MRGBP: variants seen among roughly 807,000 people sequenced by gnomAD.
MRGBP encodes MRG/MORF4L-binding protein.
A neutral mutation model predicts 21.5 loss-of-function variants in MRGBP; 5 were observed. The ratio of observed to expected loss-of-function variants is 0.23; its 90% CI spans 0.12 to 0.49. The LOEUF (loss-of-function observed/expected upper bound fraction) is 0.49. Ranked by LOEUF, MRGBP falls within the 20% of genes least tolerant of loss-of-function variation. The pLI is 0.98. For synonymous variants in MRGBP, 118 were observed against 104.4 expected (o/e 1.13, Z -0.79); for missense variants, 227 against 277.4 (o/e 0.82, Z 1.29).
At chr20:62,798,495 T>C (rs928061293) in intron 2 of MRGBP, 92 bp from the exon 3 acceptor site, 5 of 1,036,386 alleles carry the variant, frequency 4.8e-6, no homozygotes, top group South Asian at 3.8e-5. Context: ...CTCATTGGCC[T>C]CTCCCCAAGT....
Position 62,799,753 on chromosome 20 carries a change from C to G in MRGBP, c.*110C>G. 1 of 1,212,522 alleles carries G rather than the reference C, an allele frequency of 8.2e-7. No homozygotes were observed. The highest frequency in any genetic ancestry group is 1.1e-6 in the Non-Finnish European group (1 of 883,300). 75.1% of individuals were successfully genotyped at this position (1,212,522 alleles called of 1,614,324 possible). On this transcript the variant is annotated 3_prime_UTR_variant, in exon 5 of 5. Coordinates refer to ENST00000370487, the MANE Select transcript of MRGBP (RefSeq NM_018270.6). ...GGCCACAGTGATACCATCCCAGTGC[C>G]ATGAGCCCACACTGCCCGCCCTCAG...
intron 2 of MRGBP, among the ~76,000 whole-genome samples, chr20:62,797,826 A>G (rs1990368895): frequency 6.6e-6 from 1 of 152,204 alleles, no homozygotes; most frequent in Non-Finnish European, 1.5e-5. Context: ...CAGGGTGGCC[A>G]GAAGAGACAG....
Position 62,799,332 on chromosome 20 carries a change from C to G in MRGBP, c.428-124C>G, listed in dbSNP as rs1400263305. 6 of 1,137,848 alleles carry G rather than the reference C, an allele frequency of 5.3e-6. No homozygotes were observed. The East Asian group carries it at 1.5e-4, about 29-fold the overall frequency. The allele number at this position is 1,137,848 out of a possible 1,614,324, so 70.5% of individuals were successfully genotyped here. A position where few individuals can be genotyped will look rare whatever the true frequency, so the allele number is the denominator to read the frequency against. On this transcript the variant is annotated intron_variant, in intron 4 of 4. Transcript: ENST00000370487. Reference sequence around the variant, plus strand: ...GGGCCCAAATGCAAGGGGCTCCCAGCTCAGGAGGAAGCTTTGGGTTCAGAG... The same window carrying G: ...GGGCCCAAATGCAAGGGGCTCCCAGGTCAGGAGGAAGCTTTGGGTTCAGAG...
intron 4 of MRGBP, 42 bp from the exon 5 acceptor site, chr20:62,799,414 C>T: frequency 6.3e-7 from 1 of 1,582,058 alleles, no homozygotes; most frequent in Middle Eastern, 1.7e-4. Flanking sequence ...AAATAAGATT[C>T]TGGATATTCT....
Position 62,799,515 on chromosome 20 carries a change from A to G in MRGBP, c.487A>G (p.Lys163Glu), listed in dbSNP as rs772837524. The change falls in exon 5 of 5, where the codon AAG becomes GAG. Residue 163 changes from lysine (K) to glutamate (E), a missense_variant. Physicochemically the swap from Lys to Glu is moderately conservative, Grantham distance 56. Transcript: ENST00000370487. ...ASEKSSKDKE[K>E]NSSDLGCKEG... Reference sequence around the variant, plus strand: ...AGAAAAATCCAGCAAAGACAAAGAGAAGAACTCCTCAGACTTGGGGTGCAA... The same window carrying G: ...AGAAAAATCCAGCAAAGACAAAGAGGAGAACTCCTCAGACTTGGGGTGCAA... 2 of 1,613,828 alleles carry G rather than the reference A, an allele frequency of 1.2e-6. No individual in the cohort carries two copies. The highest frequency in any genetic ancestry group is 2.7e-5 in the African/African-American group (2 of 74,944).
chr20:62,799,241 G>T (rs1241145413), intron 4 of MRGBP, among the ~76,000 whole-genome samples, 192 bp downstream of exon 4: 1 of 152,110 alleles, frequency 6.6e-6, no homozygotes, highest in East Asian at 1.9e-4. Flanking sequence ...TGTAGGCCAG[G>T]GTCTGAGCGG....
At chr20:62,797,259 C>T in intron 2 of MRGBP, 28 bp downstream of exon 2, 1 of 1,529,344 alleles carries the variant, frequency 6.5e-7, no homozygotes, top group Non-Finnish European at 8.8e-7. Context: ...CCCTGTGCCG[C>T]CCGATGGGGG....
At chr20:62,798,124 C>G (rs1990375593) in intron 2 of MRGBP, among the ~76,000 whole-genome samples, 2 of 152,238 alleles carry the variant, frequency 1.3e-5, no homozygotes, top group Admixed American at 1.3e-4. Flanking sequence ...AACCGACACC[C>G]TCGGTGTCCA....
chr20:62,796,976 A>T (rs1990351017), intron 1 of MRGBP, 134 bp from the exon 2 acceptor site: 1 of 147,092 alleles, frequency 6.8e-6, no homozygotes, highest in Non-Finnish European at 1.2e-5. Flanking sequence ...GCCCCCCCAC[A>T]GCCCCTCCAC....
intron 3 of MRGBP, 34 bp from the exon 4 acceptor site, chr20:62,798,941 G>A (rs1341148833): frequency 1.9e-6 from 3 of 1,612,922 alleles, no homozygotes; most frequent in Non-Finnish European, 2.5e-6. Flanking sequence ...CACCACCGTG[G>A]GTTTTCGGTG....
chr20:62,797,855 G>C (rs1038226912), intron 2 of MRGBP, among the ~76,000 whole-genome samples: 1 of 152,196 alleles, frequency 6.6e-6, no homozygotes, highest in Admixed American at 6.5e-5. Context: ...TCCAGGCCCT[G>C]TGGCAGCAGG....
rs1023053410 is a variant in MRGBP, at chr20:62,800,245, C to A, written c.*602C>A. On this transcript the variant is annotated 3_prime_UTR_variant, in exon 5 of 5. Coordinates refer to ENST00000370487, the MANE Select transcript of MRGBP (RefSeq NM_018270.6). ...TAAGAACTGGATATTTTGCCTCATT[C>A]ACTTGTACTGTAACAATGTATATAA... 11 of 152,606 alleles carry A rather than the reference C, an allele frequency of 7.2e-5. No individual in the cohort carries two copies. 9.5% of individuals were successfully genotyped at this position (152,606 alleles called of 1,614,324 possible).
chr20:62,797,258 G>T, intron 2 of MRGBP, 27 bp downstream of exon 2: 1 of 1,528,030 alleles, frequency 6.5e-7, no homozygotes, highest in Non-Finnish European at 8.8e-7. Flanking sequence ...TCCCTGTGCC[G>T]CCCGATGGGG....
In MRGBP at chr20:62,797,093, G is replaced by T. The variant is rs1356525192; in HGVS notation, c.149-17G>T. 6.9e-7 allele frequency: 1 copy of T among 1,447,810 alleles called. No individual in the cohort carries two copies. The highest frequency in any genetic ancestry group is 9.2e-7 in the Non-Finnish European group (1 of 1,091,468). 89.7% of individuals were successfully genotyped at this position (1,447,810 alleles called of 1,614,324 possible). On this transcript the variant is annotated splice_polypyrimidine_tract_variant and intron_variant, in intron 1 of 4. Coordinates refer to ENST00000370487, the MANE Select transcript of MRGBP (RefSeq NM_018270.6). ...CTCACCGCTCACCGGTTATCCCGCC[G>T]CCCCTCCTCCCCTCAGGTGTGAACC...
chr20:62,797,022 G>T, intron 1 of MRGBP, 88 bp from the exon 2 acceptor site: 2 of 885,080 alleles, frequency 2.3e-6, no homozygotes, highest in South Asian at 2.8e-5. Flanking sequence ...AGCCACCCTT[G>T]CCCCTCCAGT....
At chr20:62,798,460 G>A (rs973683885) in intron 2 of MRGBP, 127 bp from the exon 3 acceptor site, 8 of 745,082 alleles carry the variant, frequency 1.1e-5, no homozygotes, top group African/African-American at 5.3e-5. Context: ...CCCGCCCGCC[G>A]CAGCCTCCAA....
rs1990413642 is a variant in MRGBP, at chr20:62,799,629, C to T, written c.601C>T (p.Arg201Trp). ...SNPSSPSAAK[R>W]RRT Reference sequence around the variant, plus strand: ...CCCTTCCAGTCCCAGTGCTGCCAAGCGGCGCCGCACGTAGACCCTCAGCCC... The same window carrying T: ...CCCTTCCAGTCCCAGTGCTGCCAAGTGGCGCCGCACGTAGACCCTCAGCCC... Residue 201 changes from arginine to tryptophan, a missense_variant, in exon 5 of 5, where the codon CGG becomes TGG. This residue lies in a region of MRGBP where 162 missense variants were observed against 227.7 expected (regional missense o/e 0.71). Transcript: ENST00000370487. 2 of 1,611,832 alleles carry T rather than the reference C, an allele frequency of 1.2e-6. No homozygotes were observed. Among genetic ancestry groups the T allele is most frequent in the Non-Finnish European group, 1.7e-6 (2 of 1,179,154 alleles).
At chr20:62,799,168 C>A in intron 4 of MRGBP, 119 bp downstream of exon 4, 1 of 1,042,118 alleles carries the variant, frequency 9.6e-7, no homozygotes, top group South Asian at 1.5e-5. Context: ...CCAGGCAGGT[C>A]ATCTAGGCAC....
Position 62,799,059 on chromosome 20 carries a change from G to C in MRGBP, c.427+10G>C, listed in dbSNP as rs376343479. On this transcript the variant is annotated intron_variant, in intron 4 of 4. Coordinates refer to ENST00000370487, the MANE Select transcript of MRGBP (RefSeq NM_018270.6). The stretch of plus-strand genomic sequence containing the variant: ...AATGGGGCTGACGATGGTGAGTGTG[G>C]AGCTCACCCTGCCCTGATGCCCTTT... 1 of 1,605,562 alleles carries C rather than the reference G, an allele frequency of 6.2e-7. No homozygotes were observed. Among genetic ancestry groups the C allele is most frequent in the African/African-American group, 1.3e-5 (1 of 74,800 alleles).
Sources: gnomAD v4.1 joint callset for allele counts (sites outside exome capture counted in the v4.1 genomes callset) on GRCh38, gnomAD v4.1.1 for gene constraint, gnomAD v4.1.1 regional missense constraint, MANE v1.5 for transcripts, NCBI Gene and HGNC (gene_info 2026-07-23, HGNC 2026-07-21) for gene names.